PPP1R13B: variants seen among roughly 807,000 people sequenced by gnomAD.
PPP1R13B encodes the protein apoptosis-stimulating of p53 protein 1.
PPP1R13B carries 44 observed loss-of-function variants against 119.8 expected under a neutral mutation model. The ratio of observed to expected loss-of-function variants is 0.37; its 90% CI spans 0.29 to 0.47. The LOEUF (loss-of-function observed/expected upper bound fraction) is 0.47. Ranked by LOEUF, PPP1R13B falls within the 20% of genes least tolerant of loss-of-function variation. The pLI, the probability that PPP1R13B is intolerant of heterozygous loss-of-function variation, is 0.99. For missense variants in PPP1R13B, 1,227 were observed against 1,413.5 expected (o/e 0.87, Z 2.12); for synonymous variants, 542 against 561.5 (o/e 0.97, Z 0.49).
rs2087076812 is a variant in PPP1R13B, at chr14:103,847,399, C to G, written c.-92G>C. 20 of 1,048,614 alleles carry G rather than the reference C, an allele frequency of 1.9e-5. No homozygotes were observed. The South Asian group carries it at 6.7e-4, about 35-fold the overall frequency. 65.0% of individuals were successfully genotyped at this position (1,048,614 alleles called of 1,614,324 possible). ...CCGCTCCGGCCGCCTCCTAAGGCCGCGCTCCCGCCGCCGTGCTCTCCGGCC... is the reference window on the plus strand; with the variant it reads ...CCGCTCCGGCCGCCTCCTAAGGCCGGGCTCCCGCCGCCGTGCTCTCCGGCC... On this transcript the variant is annotated 5_prime_UTR_variant, in exon 1 of 17. Coordinates refer to ENST00000202556, the MANE Select transcript of PPP1R13B (RefSeq NM_015316.3).
chr14:103,784,274 T>C (rs1444916453), intron 3 of PPP1R13B, among the ~76,000 whole-genome samples: 4 of 151,786 alleles, frequency 2.6e-5, no homozygotes, highest in Non-Finnish European at 5.9e-5. Context: ...GAAAGAAGCG[T>C]TGGTGCCTAA....
chr14:103,823,123 G>A lies in PPP1R13B; in HGVS notation c.9+24176C>T, dbSNP rs186304078. ...GGAGGCTGAGGCAGGCAGATCATGA[G>A]GTCAGGAGATCGAGACCATCCTGGG... On this transcript the variant is annotated intron_variant, in intron 1 of 16. Transcript: ENST00000202556. Among the ~76,000 whole-genome samples the A allele has an allele frequency of 2.6e-5, 4 of 152,202 alleles. No individual in the cohort carries two copies. The East Asian group carries it at 7.8e-4, about 30-fold the overall frequency.
chr14:103,766,259 C>T (rs938567939), intron 4 of PPP1R13B, among the ~76,000 whole-genome samples: 6 of 152,120 alleles, frequency 3.9e-5, no homozygotes, highest in East Asian at 1.9e-4. Context: ...CCACCCACCT[C>T]GGCTTCCCAA....
At chr14:103,764,518 A>C in intron 4 of PPP1R13B, 1 of 342,552 alleles carries the variant, frequency 2.9e-6, no homozygotes, top group Non-Finnish European at 5.8e-6. Context: ...TTATTATAGA[A>C]GTACAAAATA....
upstream of PPP1R13B, chr14:103,848,590 GC>G: frequency 1.3e-6 from 1 of 748,748 alleles, no homozygotes. Context: ...TCTGCGGATG[GC>G]CCCAGACACA....
At chr14:103,752,402 C>CT (rs906960784) in intron 7 of PPP1R13B, among the ~76,000 whole-genome samples, 2 of 151,640 alleles carry the variant, frequency 1.3e-5, no homozygotes, top group Non-Finnish European at 2.9e-5. Flanking sequence ...AGGTGCGGGC[C>CT]TTTTTTTTGG....
At chr14:103,834,666 C>A (rs1002017777) in intron 1 of PPP1R13B, among the ~76,000 whole-genome samples, 3 of 148,314 alleles carry the variant, frequency 2.0e-5, no homozygotes, top group Non-Finnish European at 3.0e-5. Context: ...TCTCGACTCA[C>A]CACAACCTCC....
Position 103,738,802 on chromosome 14 carries a change from G to A in PPP1R13B, c.2741C>T (p.Pro914Leu), listed in dbSNP as rs1213199057. 1 of 1,614,104 alleles carries A rather than the reference G, an allele frequency of 6.2e-7. No homozygotes were observed. Residue 914 changes from proline to leucine, a missense_variant, in exon 14 of 17, where the codon CCC (proline) becomes CTC (leucine). By Grantham distance (98) the Pro-to-Leu change is moderately conservative. Transcript: ENST00000202556. This position sits in a 1 kb window ranked among gnomAD's most constrained non-coding sequence, Gnocchi z 5.6. Reference sequence around the variant, plus strand: ...GATCCCTTCGTCGTTGGGCTTGCTGGGATCTTCCACCTAGGACACACGGCC... The same window carrying A: ...GATCCCTTCGTCGTTGGGCTTGCTGAGATCTTCCACCTAGGACACACGGCC... Reference protein sequence around the residue: ...VQRIIYEVEDPSKPNDEGITP... With the variant: ...VQRIIYEVEDLSKPNDEGITP...
intron 1 of PPP1R13B, among the ~76,000 whole-genome samples, chr14:103,831,714 T>A (rs1458003600): frequency 6.6e-6 from 1 of 151,616 alleles, no homozygotes; most frequent in African/African-American, 2.4e-5. Context: ...GGTGGGTGGA[T>A]CACTTGAGGA....
chr14:103,845,363 A>C (rs548387761), intron 1 of PPP1R13B, among the ~76,000 whole-genome samples: 2 of 152,374 alleles, frequency 1.3e-5, no homozygotes, highest in South Asian at 4.1e-4. Context: ...GGGATCAAAA[A>C]GGAAATACAA....
At chr14:103,736,475 C>T in intron 15 of PPP1R13B, 1 of 551,984 alleles carries the variant, frequency 1.8e-6, no homozygotes. Context: ...CAAGAGTGTG[C>T]TGTTCTTAAG....
At chr14:103,791,032 T>C (rs2085604783) in intron 2 of PPP1R13B, among the ~76,000 whole-genome samples, 2 of 152,234 alleles carry the variant, frequency 1.3e-5, no homozygotes, top group South Asian at 4.1e-4. Flanking sequence ...TGTAATTTAC[T>C]GTTCCATTCC....
chr14:103,763,408 TTC>T (rs1468358761), intron 4 of PPP1R13B: 1 of 163,050 alleles, frequency 6.1e-6, no homozygotes, highest in Non-Finnish European at 1.3e-5. Flanking sequence ...CTTTTGACTG[TTC>T]TGTTTGTGTT....
At chr14:103,754,842 T>C (rs1228765883) in intron 5 of PPP1R13B, among the ~76,000 whole-genome samples, 1 of 151,802 alleles carries the variant, frequency 6.6e-6, no homozygotes, top group African/African-American at 2.4e-5. Flanking sequence ...TGCAGTGGCA[T>C]GATCTCGGCT....
chr14:103,757,799 G>A, intron 4 of PPP1R13B, 48 bp from the exon 5 acceptor site: 1 of 1,518,528 alleles, frequency 6.6e-7, no homozygotes, highest in Non-Finnish European at 9.1e-7. Context: ...CTGCATAATT[G>A]TCTGTCTCTA....
intron 2 of PPP1R13B, among the ~76,000 whole-genome samples, chr14:103,791,953 T>C (rs2152034695): frequency 1.3e-5 from 2 of 152,318 alleles, no homozygotes; most frequent in South Asian, 4.1e-4. Flanking sequence ...GGCTTATCAT[T>C]TAGTAGCTTT....
chr14:103,742,415 C>G lies in PPP1R13B; in HGVS notation c.1321-124G>C, dbSNP rs770053263. 1.8e-5 allele frequency: 24 copies of G among 1,361,676 alleles called. No homozygotes were observed. The highest frequency in any genetic ancestry group is 2.1e-5 in the Non-Finnish European group (21 of 1,014,244). The allele number at this position is 1,361,676 out of a possible 1,614,324, so 84.3% of individuals were successfully genotyped here. A position where few individuals can be genotyped will look rare whatever the true frequency, so the allele number is the denominator to read the frequency against. On this transcript the variant is annotated intron_variant, in intron 10 of 16. Transcript: ENST00000202556. The surrounding 1 kb of genome is among the most constrained non-coding windows in gnomAD (Gnocchi z 4.9). ...TCCGTCAAATTGGCTGTGACCAGGA[C>G]TTGGGGCACACTGTTGAGCTCATTG...
At chr14:103,792,430 G>A (rs1303860117) in intron 2 of PPP1R13B, among the ~76,000 whole-genome samples, 3 of 152,068 alleles carry the variant, frequency 2.0e-5, no homozygotes, top group African/African-American at 4.8e-5. Context: ...TGCCAGCCTT[G>A]GCCTCAAGTG....
At chr14:103,782,600 C>T (rs948722649) in intron 3 of PPP1R13B, among the ~76,000 whole-genome samples, 2 of 152,202 alleles carry the variant, frequency 1.3e-5, no homozygotes, top group African/African-American at 2.4e-5. Context: ...ATGCAGAAGA[C>T]GGCCTGTTTC....
Sources: gnomAD v4.1 joint callset for allele counts (sites outside exome capture counted in the v4.1 genomes callset) on GRCh38, gnomAD v4.1.1 for gene constraint, Gnocchi (gnomAD v3.1) non-coding constraint, MANE v1.5 for transcripts, NCBI Gene and HGNC (gene_info 2026-07-23, HGNC 2026-07-21) for gene names.